Variants in MAGI2 observed in about 807,000 individuals in gnomAD.
MAGI2 encodes membrane associated guanylate kinase, WW and PDZ domain containing 2.
MAGI2 carries 35 observed loss-of-function variants against 133.3 expected under a neutral mutation model. The ratio of observed to expected loss-of-function variants is 0.26; its 90% CI spans 0.20 to 0.35. The LOEUF is 0.35. MAGI2 is among the 10% of genes least tolerant of loss of function. MAGI2 has a pLI of 1.00. For synonymous variants in MAGI2, 729 were observed against 710.6 expected, an observed-to-expected ratio of 1.03 and a Z score of -0.41; for missense variants, 1,636 against 1,863.4, an observed-to-expected ratio of 0.88 and a Z score of 2.25.
Position 78,773,091 on chromosome 7 carries a change from A to C in MAGI2, c.419-145852T>G, listed in dbSNP as rs141893883. On this transcript the variant is annotated intron_variant, in intron 2 of 21. Transcript: ENST00000354212. ...GGACAGACAGTGAGAAAGACATATT[A>C]CCTTAGATCAGATAATTTGTGAGCT... is the stretch of plus-strand genomic sequence containing the variant. 4.3e-4 allele frequency among the ~76,000 whole-genome samples: 66 copies of C among 152,310 alleles called. No individual in the cohort carries two copies. The East Asian group carries it at 0.012, about 27-fold the overall frequency.
intron 2 of MAGI2, among the ~76,000 whole-genome samples, chr7:78,791,129 G>GCATTCCTT (rs1221666690): frequency 7.9e-5 from 12 of 152,268 alleles, no homozygotes; most frequent in African/African-American, 2.9e-4. Flanking sequence ...CTATAGTAAA[G>GCATTCCTT]GCCTCTGGAG....
At chr7:78,162,464 G>A (rs1237591945) in intron 15 of MAGI2, among the ~76,000 whole-genome samples, 6 of 149,896 alleles carry the variant, frequency 4.0e-5, no homozygotes. Flanking sequence ...GGCAGAGCTT[G>A]CAGTGAGCCA....
chr7:79,296,290 T>G (rs1836923929), intron 1 of MAGI2, among the ~76,000 whole-genome samples: 1 of 152,176 alleles, frequency 6.6e-6, no homozygotes, highest in East Asian at 1.9e-4. Context: ...TTCATATAAT[T>G]TGAAGATAGA....
At chr7:79,143,811 A>C (rs1822359168) in intron 1 of MAGI2, among the ~76,000 whole-genome samples, 1 of 152,196 alleles carries the variant, frequency 6.6e-6, no homozygotes, top group South Asian at 2.1e-4. Context: ...TTAAAATTTC[A>C]ATATTACTAT....
chr7:78,827,289 A>AT (rs1790749061), intron 2 of MAGI2, among the ~76,000 whole-genome samples: 1 of 151,836 alleles, frequency 6.6e-6, no homozygotes, highest in Non-Finnish European at 1.5e-5. Flanking sequence ...GATTATTTTT[A>AT]TTTTTTTGAG....
chr7:79,192,701 A>G (rs1827778365), intron 1 of MAGI2, among the ~76,000 whole-genome samples: 2 of 151,968 alleles, frequency 1.3e-5, no homozygotes, highest in East Asian at 1.9e-4. Flanking sequence ...GGGAAGAGTG[A>G]CTTATTATAA....
chr7:79,120,971 A>T (rs559114562), intron 1 of MAGI2, among the ~76,000 whole-genome samples: 1 of 152,106 alleles, frequency 6.6e-6, no homozygotes, highest in Non-Finnish European at 1.5e-5. Flanking sequence ...GAATGGCAGG[A>T]TACTGAAATA....
rs574284953 is a variant in MAGI2 at position 78,176,398 on chromosome 7, C to T, written c.2403+1613G>A. 7.4e-4 allele frequency among the ~76,000 whole-genome samples: 113 copies of T among 152,060 alleles called. 3 individuals are homozygous for T. The South Asian group carries it at 0.022, about 30-fold the overall frequency. ...GAATTCGGAAATAAGTCTTTTTTTC[C>T]TGGAGAGCCCTCATCCTTGGAGTAT... On this transcript the variant is annotated intron_variant, in intron 14 of 21. Transcript: ENST00000354212.
chr7:78,817,563 A>C (rs528119390), intron 2 of MAGI2, among the ~76,000 whole-genome samples: 2 of 152,282 alleles, frequency 1.3e-5, no homozygotes, highest in South Asian at 4.1e-4. Flanking sequence ...AGCCATCCAC[A>C]CTGAGGCAAG....
chr7:78,421,515 T>C (rs1001237959), intron 6 of MAGI2, among the ~76,000 whole-genome samples: 3 of 152,152 alleles, frequency 2.0e-5, no homozygotes, highest in African/African-American at 4.8e-5. Context: ...ATAACAATGA[T>C]AGACAACACA....
intron 9 of MAGI2, among the ~76,000 whole-genome samples, chr7:78,342,955 T>A (rs1790546202): frequency 6.6e-6 from 1 of 152,178 alleles, no homozygotes; most frequent in African/African-American, 2.4e-5. Context: ...ACTTAAAGCA[T>A]AATTTAAAAA....
intron 9 of MAGI2, among the ~76,000 whole-genome samples, chr7:78,342,174 G>A (rs1790448675): frequency 6.6e-6 from 1 of 151,402 alleles, no homozygotes; most frequent in Admixed American, 6.6e-5. Flanking sequence ...CTCAAAAGAA[G>A]ACATTTGTGC....
At chr7:79,064,400 CAGAGTTGGTT>C (rs1356383963) in intron 1 of MAGI2, among the ~76,000 whole-genome samples, 1 of 152,016 alleles carries the variant, frequency 6.6e-6, no homozygotes, top group Non-Finnish European at 1.5e-5. Context: ...CATAAGACCA[CAGAGTTGGTT>C]TTAGCCAAGT....
intron 1 of MAGI2, among the ~76,000 whole-genome samples, chr7:79,118,530 C>T (rs935317176): frequency 2.0e-5 from 3 of 152,052 alleles, no homozygotes; most frequent in African/African-American, 7.2e-5. Flanking sequence ...GCTACTATAC[C>T]TTTCAACTTA....
intron 21 of MAGI2, among the ~76,000 whole-genome samples, chr7:78,042,935 G>C (rs1403488364): frequency 6.6e-6 from 1 of 152,166 alleles, no homozygotes; most frequent in Admixed American, 6.5e-5. Flanking sequence ...AATATGCCGG[G>C]ATACACCAAC....
intron 2 of MAGI2, among the ~76,000 whole-genome samples, chr7:78,870,787 G>A (rs996069888): frequency 2.6e-5 from 4 of 152,074 alleles, no homozygotes; most frequent in Non-Finnish European, 4.4e-5. Flanking sequence ...GCAAAAATAT[G>A]GAGCCAGCCT....
chr7:78,541,166 G>A (rs941368781), intron 3 of MAGI2, among the ~76,000 whole-genome samples: 2 of 151,892 alleles, frequency 1.3e-5, no homozygotes, highest in Non-Finnish European at 2.9e-5. Flanking sequence ...GAGATGCTGT[G>A]GGCTGGCAAC....
intron 3 of MAGI2, among the ~76,000 whole-genome samples, chr7:78,540,667 T>C (rs769464096): frequency 2.0e-5 from 3 of 152,096 alleles, no homozygotes; most frequent in African/African-American, 4.8e-5. Flanking sequence ...AGTTTCCTTC[T>C]CTCTGTGGTC....
At chr7:78,841,854 C>T (rs1422541564) in intron 2 of MAGI2, among the ~76,000 whole-genome samples, 1 of 151,812 alleles carries the variant, frequency 6.6e-6, no homozygotes, top group Non-Finnish European at 1.5e-5. Flanking sequence ...ATGATTTTCC[C>T]AGGAATTTTT....
Sources: gnomAD v4.1 joint callset for allele counts (sites outside exome capture counted in the v4.1 genomes callset) on GRCh38, gnomAD v4.1.1 for gene constraint, MANE v1.5 for transcripts, NCBI Gene and HGNC (gene_info 2026-07-23, HGNC 2026-07-21) for gene names.